Variants in CENPF observed in about 807,000 individuals in gnomAD.
CENPF encodes the protein AH antigen.
In CENPF, 214 loss-of-function variants were observed where a neutral mutation model predicts 307.3. That is an observed-to-expected ratio of 0.70 (90% confidence interval 0.62 to 0.78). CENPF has a LOEUF of 0.78. CENPF is among the 30% of genes least tolerant of loss of function. The pLI, the probability that CENPF is intolerant of heterozygous loss-of-function variation, is 0.00. For missense variants in CENPF, 3,401 were observed against 3,483.9 expected (o/e 0.98, Z 0.60); for synonymous variants, 1,259 against 1,270.6 (o/e 0.99, Z 0.19).
chr1:214,636,578 A>G (rs1002081142), intron 10 of CENPF, among the ~76,000 whole-genome samples: 7 of 152,336 alleles, frequency 4.6e-5, no homozygotes, highest in Admixed American at 2.0e-4. Flanking sequence ...ACTTTCTACT[A>G]GCCAGATTCT....
Position 214,619,147 on chromosome 1 carries a change from TA to T in CENPF, c.504del (p.Glu169LysfsTer13). On this transcript the variant is annotated frameshift_variant, in exon 5 of 20. Coordinates refer to ENST00000366955, the MANE Select transcript of CENPF (RefSeq NM_016343.4). LOFTEE classifies it high-confidence loss of function. ...QYYSGSKYED[L>X]KEKYNKEVEE... Reference sequence around the variant, plus strand: ...TTTCTAGGTTCCAAGTATGAAGATCTAAAAGAAAAATATAATAAAGAGGTTG... The same window carrying T: ...TTTCTAGGTTCCAAGTATGAAGATCTAAAGAAAAATATAATAAAGAGGTTG... 6.5e-7 allele frequency: 1 copy of T among 1,543,342 alleles called. No individual in the cohort carries two copies. Among genetic ancestry groups the T allele is most frequent in the Non-Finnish European group, 8.9e-7 (1 of 1,122,048 alleles).
rs763019202 is a variant in CENPF at position 214,641,169 on chromosome 1, T to C, written c.2831T>C (p.Leu944Pro). ...NHLLEDSLKE[L>P]QLLSETLSLE... Reference sequence around the variant, plus strand: ...CTACTTGAAGACTCTCTAAAGGAGCTACAACTTTTATCCGAAACCCTAAGC... The same window carrying C: ...CTACTTGAAGACTCTCTAAAGGAGCCACAACTTTTATCCGAAACCCTAAGC... Residue 944 changes from leucine to proline, a missense_variant, in exon 12 of 20, where the codon CTA becomes CCA. By Grantham distance (98) the Leu-to-Pro change is moderately conservative (BLOSUM62 -3). Transcript: ENST00000366955. The C allele has an allele frequency of 6.9e-6, 11 of 1,603,700 alleles. No individual in the cohort carries two copies. The Admixed American group carries it at 1.9e-4, about 28-fold the overall frequency.
intron 1 of CENPF, among the ~76,000 whole-genome samples, chr1:214,607,864 G>A (rs887905907): frequency 3.9e-5 from 6 of 152,182 alleles, no homozygotes; most frequent in African/African-American, 1.4e-4. Flanking sequence ...CCCCAGGATG[G>A]CCAAGCTCCG....
Position 214,618,688 on chromosome 1 carries a change from T to C in CENPF, c.475T>C (p.Tyr159His). The change falls in exon 4 of 20, where the codon TAT becomes CAT. Residue 159 changes from tyrosine (Y) to histidine (H), a missense_variant. Coordinates refer to ENST00000366955, the MANE Select transcript of CENPF (RefSeq NM_016343.4). Reference sequence around the variant, plus strand: ...AACTCCACTAACACCAAGTCAATATTATAGTGGTAATGCATTTTCTTCCTT... The same window carrying C: ...AACTCCACTAACACCAAGTCAATATCATAGTGGTAATGCATTTTCTTCCTT... The part of the protein sequence containing the change: ...FTTPLTPSQY[Y>H]SGSKYEDLKE... 2 of 1,613,036 alleles carry C rather than the reference T, an allele frequency of 1.2e-6. No individual in the cohort carries two copies. The highest frequency in any genetic ancestry group is 1.7e-6 in the Non-Finnish European group (2 of 1,179,660).
Position 214,641,951 on chromosome 1 carries a change from A to G in CENPF, c.3613A>G (p.Ser1205Gly). The change falls in exon 12 of 20, where the codon AGT (serine) becomes GGT (glycine). Residue 1205 changes from serine (S) to glycine (G), a missense_variant. Transcript: ENST00000366955. ...DLEVKEISLD[S>G]YNAQLVQLEA... ...TGAAGTTAAAGAAATTTCTCTAGATAGTTATAATGCGCAGTTGGTGCAATT... is the reference window on the plus strand; with the variant it reads ...TGAAGTTAAAGAAATTTCTCTAGATGGTTATAATGCGCAGTTGGTGCAATT... The G allele has an allele frequency of 6.3e-7, 1 of 1,591,526 alleles. No homozygotes were observed. Among genetic ancestry groups the G allele is most frequent in the South Asian group, 1.2e-5 (1 of 86,028 alleles).
chr1:214,605,787 C>G, intron 1 of CENPF: 1 of 1,591,734 alleles, frequency 6.3e-7, no homozygotes, highest in Non-Finnish European at 8.5e-7. Flanking sequence ...AGCGGCTCCA[C>G]CGCCTTGGGG....
Position 214,620,824 on chromosome 1 carries a change from G to A in CENPF, c.743G>A (p.Gly248Glu), listed in dbSNP as rs1420501179. The A allele has an allele frequency of 1.9e-6, 3 of 1,613,998 alleles. No homozygotes were observed. Among genetic ancestry groups the A allele is most frequent in the African/African-American group, 1.3e-5 (1 of 74,894 alleles). The change falls in exon 6 of 20, where the codon GGG becomes GAG. Residue 248 changes from glycine to glutamate, a missense_variant. Gly to Glu is a moderately conservative substitution (Grantham distance 98). Transcript: ENST00000366955. Reference protein sequence around the residue: ...RRDFSASYFSGEQEVTPSRST... With the variant: ...RRDFSASYFSEEQEVTPSRST... ...GATTTCTCTGCATCTTACTTTTCTG[G>A]GGAACAAGAGGTGACTCCAAGTCGA...
At chr1:214,633,935 G>A (rs1187206755) in intron 10 of CENPF, among the ~76,000 whole-genome samples, 11 of 152,256 alleles carry the variant, frequency 7.2e-5, no homozygotes, top group East Asian at 5.8e-4. Flanking sequence ...GAACTCTCCC[G>A]CGACTCCACT....
intron 10 of CENPF, among the ~76,000 whole-genome samples, chr1:214,635,924 G>A (rs1203760445): frequency 6.6e-6 from 1 of 151,986 alleles, no homozygotes; most frequent in East Asian, 1.9e-4. Context: ...ACCTAGTTTT[G>A]CACAGTGTCT....
chr1:214,634,129 C>A (rs147663172), intron 10 of CENPF, among the ~76,000 whole-genome samples: 11 of 152,310 alleles, frequency 7.2e-5, no homozygotes, highest in African/African-American at 2.2e-4. Flanking sequence ...TCAGTTAATC[C>A]CAGCCTGTAC....
At position 214,629,151 on chromosome 1, in the gene CENPF, A is replaced by G; in HGVS notation, c.1174A>G (p.Lys392Glu). Residue 392 changes from lysine (K) to glutamate (E), a missense_variant, in exon 8 of 20, where the codon AAA (lysine) becomes GAA (glutamate). Physicochemically the swap from Lys to Glu is moderately conservative, Grantham distance 56. Coordinates refer to ENST00000366955, the MANE Select transcript of CENPF (RefSeq NM_016343.4). The part of the protein sequence containing the change: ...RCSLEQKIKE[K>E]EKEFQEELSR... ...TTCTCTGGAACAGAAAATTAAGGAA[A>G]AAGAAAAGGAGTTTCAAGAGGTAAG... 1 of 1,608,114 alleles carries G rather than the reference A, an allele frequency of 6.2e-7. No individual in the cohort carries two copies. The highest frequency in any genetic ancestry group is 8.5e-7 in the Non-Finnish European group (1 of 1,178,422).
At chr1:214,635,781 C>T (rs1657949632) in intron 10 of CENPF, among the ~76,000 whole-genome samples, 1 of 152,142 alleles carries the variant, frequency 6.6e-6, no homozygotes, top group Non-Finnish European at 1.5e-5. Context: ...TTCCATTGAG[C>T]TTACTATTCA....
intron 1 of CENPF, among the ~76,000 whole-genome samples, chr1:214,604,723 A>G (rs1405609722): frequency 1.3e-5 from 2 of 152,136 alleles, no homozygotes; most frequent in Non-Finnish European, 2.9e-5. Flanking sequence ...CTAGATTGGA[A>G]TGGAGGATAT....
chr1:214,642,277 A>G lies in CENPF; in HGVS notation c.3939A>G (p.Glu1313=). Residue 1313 remains glutamate, a synonymous_variant, in exon 12 of 20, where the codon GAA becomes GAG. Transcript: ENST00000366955. The stretch of plus-strand genomic sequence containing the variant: ...AAATATGTGAAATACTGCAGGCTGA[A>G]AAGTATGAACTCGTAACTGAGCTGA... ...LEKICEILQA[E]KYELVTELND... The G allele has an allele frequency of 6.2e-7, 1 of 1,613,808 alleles. No individual in the cohort carries two copies. The highest frequency in any genetic ancestry group is 1.7e-5 in the Admixed American group (1 of 59,946).
Position 214,641,155 on chromosome 1 carries a change from C to G in CENPF, c.2817C>G (p.Asp939Glu), listed in dbSNP as rs536939357. 1.3e-6 allele frequency: 2 copies of G among 1,594,810 alleles called. No homozygotes were observed. The highest frequency in any genetic ancestry group is 1.7e-6 in the Non-Finnish European group (2 of 1,175,222). Residue 939 changes from aspartate to glutamate, a missense_variant, in exon 12 of 20, where the codon GAC becomes GAG. Asp to Glu is a conservative substitution (Grantham distance 45). Transcript: ENST00000366955. ...AAAAGAGCAACCATCTACTTGAAGA[C>G]TCTCTAAAGGAGCTACAACTTTTAT... The part of the protein sequence containing the change: ...ELKKSNHLLE[D>E]SLKELQLLSE...
In CENPF at chr1:214,632,563, G is replaced by A. The variant is rs879241016; in HGVS notation, c.1407G>A (p.Ala469=). 21 of 1,613,978 alleles carry A rather than the reference G, an allele frequency of 1.3e-5. No homozygotes were observed. Among genetic ancestry groups the A allele is most frequent in the Non-Finnish European group, 1.8e-5 (21 of 1,180,010 alleles). The change falls in exon 10 of 20, where the codon GCG becomes GCA. Residue 469 remains alanine (A), a synonymous_variant. Transcript: ENST00000366955. ...GCAGAGCTGAACAGGCGTTCCAGGCGAGTCAGATCAAGGAGAATGAGCTGA... is the reference window on the plus strand; with the variant it reads ...GCAGAGCTGAACAGGCGTTCCAGGCAAGTCAGATCAAGGAGAATGAGCTGA... ...KLCRAEQAFQ[A]SQIKENELRR...
In CENPF at chr1:214,645,589, G is replaced by A. The variant is rs1299409458; in HGVS notation, c.6019G>A (p.Ala2007Thr). The A allele has an allele frequency of 1.2e-6, 2 of 1,614,028 alleles. No individual in the cohort carries two copies. Among genetic ancestry groups the A allele is most frequent in the African/African-American group, 2.7e-5 (2 of 74,914 alleles). Residue 2007 changes from alanine (A) to threonine (T), a missense_variant, in exon 13 of 20, where the codon GCA becomes ACA. Physicochemically the swap from Ala to Thr is moderately conservative, Grantham distance 58 (BLOSUM62 0). Coordinates refer to ENST00000366955, the MANE Select transcript of CENPF (RefSeq NM_016343.4). ...ECLHCIQVAE[A>T]EVKEKTELLQ... Reference sequence around the variant, plus strand: ...TCTCCATTGCATTCAGGTGGCAGAGGCAGAGGTGAAGGAAAAGACGGAACT... The same window carrying A: ...TCTCCATTGCATTCAGGTGGCAGAGACAGAGGTGAAGGAAAAGACGGAACT...
chr1:214,610,402 T>G (rs956644092), intron 1 of CENPF, among the ~76,000 whole-genome samples: 4 of 152,196 alleles, frequency 2.6e-5, no homozygotes, highest in African/African-American at 9.6e-5. Flanking sequence ...GAGATGGTAT[T>G]TCATTGTGGT....
In CENPF at chr1:214,646,546, G is replaced by A. The variant is rs752086622; in HGVS notation, c.6976G>A (p.Glu2326Lys). The part of the protein sequence containing the change: ...KQLCVLQQLK[E>K]SEHHADLLKG... ...GCTCTGTGTCTTACAACAACTGAAG[G>A]AAAGTGAGCATCATGCAGATTTACT... is the stretch of plus-strand genomic sequence containing the variant. The change falls in exon 13 of 20, where the codon GAA (glutamate) becomes AAA (lysine). Residue 2326 changes from glutamate (E) to lysine (K), a missense_variant. Physicochemically the swap from Glu to Lys is moderately conservative, Grantham distance 56 (BLOSUM62 1). Coordinates refer to ENST00000366955, the MANE Select transcript of CENPF (RefSeq NM_016343.4). The A allele has an allele frequency of 1.9e-6, 3 of 1,614,096 alleles. No homozygotes were observed. Among genetic ancestry groups the A allele is most frequent in the Non-Finnish European group, 2.5e-6 (3 of 1,180,000 alleles).
Sources: allele counts gnomAD v4.1 joint callset (sites outside exome capture counted in the v4.1 genomes callset), GRCh38; gene constraint gnomAD v4.1.1; transcripts MANE v1.5; gene names NCBI Gene and HGNC (gene_info 2026-07-23, HGNC 2026-07-21).